Variants in SLC9A7 observed in about 807,000 individuals in gnomAD.
SLC9A7 encodes the protein sodium/hydrogen exchanger 7.
A neutral mutation model predicts 52.6 loss-of-function variants in SLC9A7; 19 were observed. The ratio of observed to expected loss-of-function variants is 0.36; its 90% CI spans 0.25 to 0.53. The LOEUF (loss-of-function observed/expected upper bound fraction) is 0.53, where lower values mean the gene tolerates loss of function less well. Among genes scored for constraint, SLC9A7 ranks in the 20% least tolerant of loss-of-function variants. The pLI is 0.91. For synonymous variants in SLC9A7, 226 were observed against 252.1 expected (o/e 0.90, Z 0.98); for missense variants, 455 against 597.9 (o/e 0.76, Z 2.49).
chrX:46,648,564 G>A, intron 11 of SLC9A7, 122 bp downstream of exon 11: 1 of 519,536 alleles, frequency 1.9e-6, no homozygotes, highest in South Asian at 2.9e-5. Context: ...TCACTGCAGG[G>A]GATACAAACG....
intron 16 of SLC9A7, among the ~76,000 whole-genome samples, chrX:46,609,257 G>A (rs185849401): frequency 8.9e-6 from 1 of 112,131 alleles, no homozygotes; most frequent in African/African-American, 3.2e-5. Flanking sequence ...GAACTGTGAT[G>A]TGGTCCGCTT....
intron 1 of SLC9A7, among the ~76,000 whole-genome samples, chrX:46,719,619 A>C (rs1314742500): frequency 8.9e-6 from 1 of 111,945 alleles, no homozygotes; most frequent in Non-Finnish European, 1.9e-5. Flanking sequence ...TGCTGACAAG[A>C]ACAAAATAGA....
chrX:46,716,274 T>TTAGA (rs1202181942), intron 1 of SLC9A7, among the ~76,000 whole-genome samples: 1 of 111,813 alleles, frequency 8.9e-6, no homozygotes, highest in Non-Finnish European at 1.9e-5. Flanking sequence ...TAGAGGGCTC[T>TTAGA]GACTTGGTAA....
At chrX:46,743,994 A>G (rs1369428985) in intron 1 of SLC9A7, among the ~76,000 whole-genome samples, 1 of 112,503 alleles carries the variant, frequency 8.9e-6, no homozygotes, top group Non-Finnish European at 1.9e-5. Context: ...TCTTACTTAT[A>G]AGAAATACAT....
intron 14 of SLC9A7, 146 bp downstream of exon 14, chrX:46,631,440 C>A: frequency 2.1e-6 from 1 of 467,884 alleles, no homozygotes; most frequent in Non-Finnish European, 3.7e-6. Flanking sequence ...TCCCAAACTT[C>A]AACTTTTAAT....
At chrX:46,722,835 C>T (rs1031302514) in intron 1 of SLC9A7, among the ~76,000 whole-genome samples, 2 of 111,976 alleles carry the variant, frequency 1.8e-5, no homozygotes, top group African/African-American at 6.5e-5. Context: ...CAGCAGGTAA[C>T]GTTCTGTAAT....
rs1325621806 is a variant in SLC9A7, at chrX:46,601,347, T to C, written c.*5605A>G. On this transcript the variant is annotated 3_prime_UTR_variant, in exon 17 of 17. Transcript: ENST00000616978. ...ACTTGTTCACATTAAACATCTGGTATGATTACATTAACTTCTACTGCAGAC... is the reference window on the plus strand; with the variant it reads ...ACTTGTTCACATTAAACATCTGGTACGATTACATTAACTTCTACTGCAGAC... The C allele has an allele frequency of 8.9e-6, 1 of 112,436 alleles. No individual in the cohort carries two copies. Among genetic ancestry groups the C allele is most frequent in the Non-Finnish European group, 1.9e-5 (1 of 53,296 alleles). The allele number at this position is 112,436 out of a possible 1,213,427, so 9.3% of individuals were successfully genotyped here.
intron 16 of SLC9A7, among the ~76,000 whole-genome samples, chrX:46,607,936 T>C (rs1336154311): frequency 2.7e-5 from 3 of 112,545 alleles, no homozygotes; most frequent in African/African-American, 6.5e-5. Flanking sequence ...CTGAGGCCTA[T>C]TGAGTACTGT....
At chrX:46,634,784 C>A (rs1328676964) in intron 13 of SLC9A7, among the ~76,000 whole-genome samples, 1 of 111,640 alleles carries the variant, frequency 9.0e-6, no homozygotes, top group Non-Finnish European at 1.9e-5. Flanking sequence ...TATCCCAAGA[C>A]CCATGTCCCA....
intron 1 of SLC9A7, among the ~76,000 whole-genome samples, chrX:46,739,893 T>C (rs1054426356): frequency 9.0e-6 from 1 of 111,636 alleles, no homozygotes; most frequent in African/African-American, 3.3e-5. Flanking sequence ...CCATTGAAAA[T>C]AGACAATTGT....
At chrX:46,611,334 G>A (rs1942846055) in intron 16 of SLC9A7, among the ~76,000 whole-genome samples, 2 of 112,461 alleles carry the variant, frequency 1.8e-5, no homozygotes, top group African/African-American at 3.2e-5. Context: ...CTTACCGCAA[G>A]CATTAGACAT....
intron 1 of SLC9A7, among the ~76,000 whole-genome samples, chrX:46,705,321 C>G (rs1944587989): frequency 8.9e-6 from 1 of 112,419 alleles, no homozygotes; most frequent in South Asian, 3.7e-4. Flanking sequence ...TCAGGACTGA[C>G]TTTTAGAAGA....
At position 46,678,206 on chromosome X, in the gene SLC9A7, ATGT is replaced by A. The variant is rs201453031; in HGVS notation, c.603+1469_603+1471del. Among the ~76,000 whole-genome samples, 230 of 110,464 alleles carry A rather than the reference ATGT, an allele frequency of 2.1e-3. 1 individual carries two copies. The East Asian group carries it at 0.034, about 16-fold the overall frequency. On this transcript the variant is annotated intron_variant, in intron 3 of 16. Coordinates refer to ENST00000616978, the MANE Select transcript of SLC9A7 (RefSeq NM_001257291.2). ...CAGAGGCATTCTCTAGATCCTAAGGATGTTGTTGAGTTTTATTGTCAGGCAAAA... is the reference window on the plus strand; with the variant it reads ...CAGAGGCATTCTCTAGATCCTAAGGATGTTGAGTTTTATTGTCAGGCAAAA...
chrX:46,652,511 C>T (rs915254051), intron 8 of SLC9A7, among the ~76,000 whole-genome samples: 24 of 111,781 alleles, frequency 2.1e-4, no homozygotes, highest in Non-Finnish European at 4.5e-4. Flanking sequence ...TTCCATTTAT[C>T]CAAGCCCCGA....
rs181269886 is a variant in SLC9A7, at chrX:46,636,065, T to C, written c.1617-417A>G. Among the ~76,000 whole-genome samples, 17 of 112,177 alleles carry C rather than the reference T, an allele frequency of 1.5e-4. No homozygotes were observed. In the East Asian group the frequency reaches 4.5e-3, roughly 29 times the overall value. Reference sequence around the variant, plus strand: ...AAGTGTTTACACATATTTTTACACATATTTGACAGAAAGAACAAAAAGCAT... The same window carrying C: ...AAGTGTTTACACATATTTTTACACACATTTGACAGAAAGAACAAAAAGCAT... On this transcript the variant is annotated intron_variant, in intron 12 of 16. Coordinates refer to ENST00000616978, the MANE Select transcript of SLC9A7 (RefSeq NM_001257291.2).
intron 1 of SLC9A7, among the ~76,000 whole-genome samples, chrX:46,686,168 T>C (rs765443945): frequency 7.1e-5 from 8 of 112,130 alleles, no homozygotes; most frequent in Non-Finnish European, 1.5e-4. Context: ...TTTTCTTCTC[T>C]ACCCTGGGCC....
intron 11 of SLC9A7, among the ~76,000 whole-genome samples, chrX:46,644,910 C>T (rs1223268804): frequency 8.9e-6 from 1 of 112,018 alleles, no homozygotes; most frequent in Non-Finnish European, 1.9e-5. Context: ...TATTTATACA[C>T]ATCTAGGTCA....
At chrX:46,689,667 T>C (rs1208822909) in intron 1 of SLC9A7, among the ~76,000 whole-genome samples, 5 of 107,740 alleles carry the variant, frequency 4.6e-5, no homozygotes, top group Non-Finnish European at 3.8e-5. Context: ...GTTTGTTACA[T>C]AGGTATACAT....
chrX:46,668,405 C>T (rs771670270), intron 5 of SLC9A7, among the ~76,000 whole-genome samples: 1 of 110,760 alleles, frequency 9.0e-6, no homozygotes, highest in Non-Finnish European at 1.9e-5. Flanking sequence ...CCAGGTACTC[C>T]GGAGGCTGAG....
Sources: gnomAD v4.1 joint callset for allele counts (sites outside exome capture counted in the v4.1 genomes callset) on GRCh38, gnomAD v4.1.1 for gene constraint, MANE v1.5 for transcripts, NCBI Gene and HGNC (gene_info 2026-07-23, HGNC 2026-07-21) for gene names.